Variants in TENM2 observed in about 807,000 individuals in gnomAD.
The protein encoded by TENM2 is teneurin-2.
TENM2 carries 52 observed loss-of-function variants against 245.2 expected under a neutral mutation model. The observed-to-expected ratio is 0.21, with a 90% CI of 0.17 to 0.27. The LOEUF is 0.27. Among genes scored for constraint, TENM2 ranks in the 10% least tolerant of loss-of-function variants. TENM2 has a pLI of 1.00. For missense variants in TENM2, 3,046 were observed against 3,666.8 expected (o/e 0.83, Z 4.37); for synonymous variants, 1,363 against 1,438.9 (o/e 0.95, Z 1.19).
At chr5:167,003,133 A>C in the TENM2 span, among the ~76,000 whole-genome samples, 1 of 152,166 alleles carries the variant, frequency 6.6e-6, no homozygotes, top group Non-Finnish European at 1.5e-5. Context: ...CATTTATTTC[A>C]TCTTTTGTTT....
At chr5:167,214,172 C>T in the TENM2 span, among the ~76,000 whole-genome samples, 2 of 152,182 alleles carry the variant, frequency 1.3e-5, no homozygotes, top group Admixed American at 1.3e-4. Flanking sequence ...GTAAATGTTT[C>T]AAAATGTACT....
chr5:168,252,254 C>A (rs943847716), intron 27 of TENM2, among the ~76,000 whole-genome samples: 1 of 151,506 alleles, frequency 6.6e-6, no homozygotes, highest in Admixed American at 6.6e-5. Context: ...GGTGCACACC[C>A]GTGGTCCCAG....
the TENM2 span, among the ~76,000 whole-genome samples, chr5:167,073,837 A>G: frequency 6.6e-6 from 1 of 152,222 alleles, no homozygotes; most frequent in Admixed American, 6.5e-5. Flanking sequence ...GACAGAAAGC[A>G]AAGAGAAAAT....
intron 7 of TENM2, chr5:168,088,362 C>A (rs1037993147): frequency 2.6e-5 from 4 of 152,156 alleles, no homozygotes; most frequent in African/African-American, 9.7e-5. Context: ...ATCAGTTTGT[C>A]ATATCACTTT....
At chr5:167,797,631 G>T (rs559571969) in intron 2 of TENM2, among the ~76,000 whole-genome samples, 3 of 152,074 alleles carry the variant, frequency 2.0e-5, no homozygotes, top group Admixed American at 6.5e-5. Flanking sequence ...GCATTTCTGA[G>T]GACAAAAAAA....
At chr5:167,145,535 GCTAGTCTTTTATTTCTTTTTCTTCCT>G in the TENM2 span, among the ~76,000 whole-genome samples, 1 of 152,140 alleles carries the variant, frequency 6.6e-6, no homozygotes, top group African/African-American at 2.4e-5. Flanking sequence ...AATAGAAATG[GCTAGTCTTTTATTTCTTTTTCTTCCT>G]TCAGTGGATT....
At chr5:167,139,391 C>G in the TENM2 span, among the ~76,000 whole-genome samples, 15 of 152,304 alleles carry the variant, frequency 9.8e-5, no homozygotes, top group East Asian at 2.5e-3. Flanking sequence ...GTGTGAAAAT[C>G]TGTTGTTTTG....
At position 168,146,689 on chromosome 5, in the gene TENM2, C is replaced by T. The variant is rs189210443; in HGVS notation, c.2423-15922C>T. Among the ~76,000 whole-genome samples, 25 of 152,324 alleles carry T rather than the reference C, an allele frequency of 1.6e-4. No homozygotes were observed. The East Asian group carries it at 4.6e-3, about 28-fold the overall frequency. ...TCAGCATGGCTCCTCTCTTCTAATC[C>T]TCATGTCAGTTTTGTGAGGTGAATA... On this transcript the variant is annotated intron_variant, in intron 12 of 28. Transcript: ENST00000518659.
intron 2 of TENM2, among the ~76,000 whole-genome samples, chr5:167,580,109 G>A (rs944568704): frequency 6.6e-6 from 1 of 152,180 alleles, no homozygotes; most frequent in Non-Finnish European, 1.5e-5. Flanking sequence ...ATTATCCAGG[G>A]TTTGAATTTC....
intron 13 of TENM2, chr5:168,165,981 A>G (rs756829940): frequency 6.6e-6 from 1 of 152,012 alleles, no homozygotes; most frequent in African/African-American, 2.4e-5. Context: ...TTTTATGGTT[A>G]GTGACTTCCC....
the TENM2 span, among the ~76,000 whole-genome samples, chr5:167,047,317 AC>A: frequency 1.3e-5 from 2 of 152,128 alleles, no homozygotes; most frequent in Non-Finnish European, 2.9e-5. Context: ...TTTGTTTTTA[AC>A]ATAAAAGCAA....
chr5:167,556,235 A>G (rs982483422), intron 2 of TENM2, among the ~76,000 whole-genome samples: 1 of 152,132 alleles, frequency 6.6e-6, no homozygotes, highest in Admixed American at 6.5e-5. Flanking sequence ...TCAGACTGGA[A>G]GAAATGCAAA....
chr5:167,917,138 T>C (rs1346255717), intron 3 of TENM2, among the ~76,000 whole-genome samples: 1 of 152,170 alleles, frequency 6.6e-6, no homozygotes, highest in Non-Finnish European at 1.5e-5. Context: ...AGCTCATCTT[T>C]CCTTCATTTT....
At chr5:167,471,655 A>G (rs1767036986) in intron 2 of TENM2, among the ~76,000 whole-genome samples, 1 of 152,214 alleles carries the variant, frequency 6.6e-6, no homozygotes, top group Admixed American at 6.5e-5. Context: ...CATTCAACAG[A>G]ACAGCGTGGC....
intron 3 of TENM2, among the ~76,000 whole-genome samples, chr5:167,891,774 T>C (rs1408362119): frequency 6.6e-6 from 1 of 152,166 alleles, no homozygotes. Flanking sequence ...TGCCTGGGTC[T>C]GAAGATCTAT....
the TENM2 span, among the ~76,000 whole-genome samples, chr5:167,137,842 A>G: frequency 1.3e-5 from 2 of 152,186 alleles, no homozygotes; most frequent in Non-Finnish European, 2.9e-5. Flanking sequence ...AACTGGTATA[A>G]ATTAGAATCT....
At chr5:168,243,831 C>T (rs1259313816) in intron 25 of TENM2, among the ~76,000 whole-genome samples, 1 of 152,212 alleles carries the variant, frequency 6.6e-6, no homozygotes, top group Non-Finnish European at 1.5e-5. Context: ...TACCCAACTG[C>T]CCATCACAGC....
chr5:167,387,895 T>C (rs909431809), intron 2 of TENM2, among the ~76,000 whole-genome samples: 3 of 152,160 alleles, frequency 2.0e-5, no homozygotes, highest in Non-Finnish European at 4.4e-5. Context: ...ATTATCTTTT[T>C]TATATGGTGT....
At chr5:167,825,258 C>G (rs1561823671) in intron 2 of TENM2, among the ~76,000 whole-genome samples, 1 of 151,594 alleles carries the variant, frequency 6.6e-6, no homozygotes, top group Non-Finnish European at 1.5e-5. Flanking sequence ...TAATGAGTAC[C>G]TCTTTGCATA....
Sources: allele counts gnomAD v4.1 joint callset (sites outside exome capture counted in the v4.1 genomes callset), GRCh38; gene constraint gnomAD v4.1.1; transcripts MANE v1.5; gene names NCBI Gene and HGNC (gene_info 2026-07-23, HGNC 2026-07-21).